The following NCOA7 variants were observed in gnomAD, a reference collection of about 807,000 sequenced individuals.
NCOA7 encodes nuclear receptor coactivator 7, also known as 140 kDa estrogen receptor-associated protein.
NCOA7 carries 45 observed loss-of-function variants against 104.3 expected under a neutral mutation model. That is an observed-to-expected ratio of 0.43 (90% CI 0.34 to 0.55). The LOEUF (loss-of-function observed/expected upper bound fraction) is 0.55, where lower values mean the gene tolerates loss of function less well. NCOA7 is among the 20% of genes least tolerant of loss of function. The pLI is 0.02. For synonymous variants in NCOA7, 398 were observed against 402.3 expected (o/e 0.99, Z 0.13); for missense variants, 1,041 against 1,119.7 (o/e 0.93, Z 1.00).
At chr6:125,852,241 G>A (rs1781190022) in intron 2 of NCOA7, among the ~76,000 whole-genome samples, 1 of 152,026 alleles carries the variant, frequency 6.6e-6, no homozygotes, top group Non-Finnish European at 1.5e-5. Context: ...TGTCGCCCAG[G>A]CTGGAGTTCA....
intron 2 of NCOA7, among the ~76,000 whole-genome samples, chr6:125,826,283 A>G (rs1037648179): frequency 7.2e-5 from 11 of 151,872 alleles, no homozygotes; most frequent in Middle Eastern, 3.4e-3. Flanking sequence ...GTGAGCCAAG[A>G]TTCCACCACT....
At chr6:125,871,684 A>C (rs1782920708) in intron 3 of NCOA7, among the ~76,000 whole-genome samples, 1 of 152,110 alleles carries the variant, frequency 6.6e-6, no homozygotes, top group African/African-American at 2.4e-5. Context: ...TCTGTACTGG[A>C]AGGTTTATTC....
At chr6:125,885,496 G>A in intron 8 of NCOA7, 153 bp downstream of exon 8, 1 of 615,814 alleles carries the variant, frequency 1.6e-6, no homozygotes, top group Non-Finnish European at 2.7e-6. Context: ...AAAATGAGAA[G>A]AAATGAAAAG....
At chr6:125,819,971 C>T (rs1344209277) in intron 2 of NCOA7, among the ~76,000 whole-genome samples, 1 of 152,088 alleles carries the variant, frequency 6.6e-6, no homozygotes, top group Non-Finnish European at 1.5e-5. Context: ...TTACTTTTCC[C>T]CTCTGATAAG....
At chr6:125,803,944 ATT>A (rs200387680) in intron 1 of NCOA7, among the ~76,000 whole-genome samples, 5 of 146,390 alleles carry the variant, frequency 3.4e-5, no homozygotes, top group African/African-American at 1.2e-4. Context: ...TACTGCTCAC[ATT>A]TTTTTTTTTT....
At chr6:125,843,056 T>C (rs1181765505) in intron 2 of NCOA7, among the ~76,000 whole-genome samples, 1 of 152,208 alleles carries the variant, frequency 6.6e-6, no homozygotes, top group African/African-American at 2.4e-5. Flanking sequence ...CCCCCAAAGA[T>C]AGCCAGTTCC....
intron 2 of NCOA7, among the ~76,000 whole-genome samples, chr6:125,819,991 C>T (rs1778016248): frequency 6.6e-6 from 1 of 152,088 alleles, no homozygotes; most frequent in Non-Finnish European, 1.5e-5. Flanking sequence ...GGTGTGAGAG[C>T]CTGGGAGTAA....
intron 3 of NCOA7, among the ~76,000 whole-genome samples, chr6:125,871,018 G>C (rs946065718): frequency 6.6e-6 from 1 of 152,176 alleles, no homozygotes. Flanking sequence ...GGGAAAACCT[G>C]CTCTGAAGAC....
chr6:125,837,897 C>T (rs1488929858), intron 2 of NCOA7, among the ~76,000 whole-genome samples: 11 of 152,164 alleles, frequency 7.2e-5, no homozygotes, highest in Non-Finnish European at 5.9e-5. Context: ...GCATGCTGCT[C>T]TTAGTTGTAT....
In NCOA7 at chr6:125,881,166, C is replaced by G; in HGVS notation, c.536C>G (p.Ser179Cys). ...LSSSSPGATV[S>C]PSSSDAEYDK... Reference sequence around the variant, plus strand: ...TCATCCAGTCCTGGTGCTACTGTCTCTCCTTCATCATCAGATGCAGAATAT... The same window carrying G: ...TCATCCAGTCCTGGTGCTACTGTCTGTCCTTCATCATCAGATGCAGAATAT... The change falls in exon 6 of 16, where the codon TCT becomes TGT. Residue 179 changes from serine (S) to cysteine (C), a missense_variant. Physicochemically the swap from Ser to Cys is moderately radical, Grantham distance 112. Coordinates refer to ENST00000392477, the MANE Select transcript of NCOA7 (RefSeq NM_181782.5). 6.2e-7 allele frequency: 1 copy of G among 1,613,886 alleles called. No homozygotes were observed. The highest frequency in any genetic ancestry group is 8.5e-7 in the Non-Finnish European group (1 of 1,179,832).
chr6:125,930,492 C>A lies in NCOA7; in HGVS notation c.*1721C>A, dbSNP rs537888658. ...TAACCAAAGCTGAAAAATGGTCTGT[C>A]ATAAATTATTTCCCCGGTAATTTTT... On this transcript the variant is annotated 3_prime_UTR_variant, in exon 16 of 16. Transcript: ENST00000392477. The A allele has an allele frequency of 6.6e-5, 10 of 152,664 alleles. No individual in the cohort carries two copies. The highest frequency in any genetic ancestry group is 2.4e-4 in the African/African-American group (10 of 41,544). The allele number at this position is 152,664 out of a possible 1,614,324, so 9.5% of individuals were successfully genotyped here. A position where few individuals can be genotyped will look rare whatever the true frequency, so the allele number is the denominator to read the frequency against.
intron 3 of NCOA7, among the ~76,000 whole-genome samples, chr6:125,872,888 T>C (rs1783051878): frequency 6.6e-6 from 1 of 152,236 alleles, no homozygotes; most frequent in Non-Finnish European, 1.5e-5. Context: ...TTTTATAGTC[T>C]AGAGGAATGT....
At chr6:125,813,449 ATTTT>A (rs36073060) in intron 1 of NCOA7, among the ~76,000 whole-genome samples, 2 of 135,700 alleles carry the variant, frequency 1.5e-5, no homozygotes, top group Admixed American at 7.4e-5. Flanking sequence ...GGGAAATGCA[ATTTT>A]TTTTTTTTTT....
At position 125,915,500 on chromosome 6, in the gene NCOA7, T is replaced by C. The variant is rs750787351; in HGVS notation, c.2244+20T>C. ...TGGGAGGTGAGCACTTGGGCAGGGT[T>C]AGACCGTCGTAGTTCCTAAGGTACA... On this transcript the variant is annotated intron_variant, in intron 11 of 15. Coordinates refer to ENST00000392477, the MANE Select transcript of NCOA7 (RefSeq NM_181782.5). The C allele has an allele frequency of 3.0e-5, 48 of 1,613,164 alleles. No individual in the cohort carries two copies. Among genetic ancestry groups the C allele is most frequent in the Middle Eastern group, 1.6e-4 (1 of 6,072 alleles).
chr6:125,901,714 A>AGGGT (rs1210203369), intron 10 of NCOA7, among the ~76,000 whole-genome samples: 1 of 152,210 alleles, frequency 6.6e-6, no homozygotes, highest in African/African-American at 2.4e-5. Flanking sequence ...GTGGAGAGTC[A>AGGGT]GGGTGATAGC....
At chr6:125,899,805 C>A (rs1258500904) in intron 10 of NCOA7, 3 of 235,218 alleles carry the variant, frequency 1.3e-5, no homozygotes, top group Admixed American at 7.8e-5. Flanking sequence ...CCCCCAGTAA[C>A]TTCAGTAACC....
At chr6:125,893,766 A>C (rs1784795067) in intron 10 of NCOA7, among the ~76,000 whole-genome samples, 1 of 152,198 alleles carries the variant, frequency 6.6e-6, no homozygotes, top group South Asian at 2.1e-4. Flanking sequence ...CTAAATACGT[A>C]ATAGTTTTAT....
chr6:125,871,052 T>C (rs1329269149), intron 3 of NCOA7, among the ~76,000 whole-genome samples: 1 of 152,222 alleles, frequency 6.6e-6, no homozygotes, highest in Non-Finnish European at 1.5e-5. Flanking sequence ...TGGGCAAGTA[T>C]GAGGTTCAGT....
At chr6:125,825,782 A>G (rs1389077335) in intron 2 of NCOA7, among the ~76,000 whole-genome samples, 1 of 152,120 alleles carries the variant, frequency 6.6e-6, no homozygotes, top group East Asian at 1.9e-4. Flanking sequence ...TTCTTCTACT[A>G]TGCCAAGTCA....
Sources: allele counts gnomAD v4.1 joint callset (sites outside exome capture counted in the v4.1 genomes callset), GRCh38; gene constraint gnomAD v4.1.1; transcripts MANE v1.5; gene names NCBI Gene and HGNC (gene_info 2026-07-23, HGNC 2026-07-21).